FMN1: variants seen among roughly 807,000 people sequenced by gnomAD.
FMN1 encodes formin-1.
In FMN1, 110 loss-of-function variants were observed where a neutral mutation model predicts 132.4. The ratio of observed to expected loss-of-function variants is 0.83; its 90% CI spans 0.71 to 0.97. FMN1 has a LOEUF of 0.97. Among genes scored for constraint, FMN1 ranks in the 50% least tolerant of loss-of-function variants. FMN1 has a pLI of 0.00. For synonymous variants in FMN1, 722 were observed against 651.7 expected (o/e 1.11, Z -1.64); for missense variants, 1,792 against 1,705.3 (o/e 1.05, Z -0.90).
intron 4 of FMN1, chr15:33,151,296 C>T: frequency 6.5e-7 from 1 of 1,536,300 alleles, no homozygotes; most frequent in Non-Finnish European, 8.7e-7. Flanking sequence ...CCAGCTTCTT[C>T]TTTTATAAGG....
chr15:32,869,047 G>C (rs942061381), intron 16 of FMN1, among the ~76,000 whole-genome samples: 5 of 152,126 alleles, frequency 3.3e-5, no homozygotes, highest in African/African-American at 1.2e-4. Context: ...AACTGCAAAG[G>C]TCAAGGAGGA....
chr15:33,097,009 G>C (rs2039110040), intron 4 of FMN1, among the ~76,000 whole-genome samples: 1 of 152,048 alleles, frequency 6.6e-6, no homozygotes, highest in African/African-American at 2.4e-5. Flanking sequence ...AGAAAGCATA[G>C]GTAGCCGGGC....
intron 18 of FMN1, 60 bp from the exon 19 acceptor site, chr15:32,799,013 A>C: frequency 1.1e-4 from 152 of 1,410,968 alleles, no homozygotes; most frequent in Middle Eastern, 3.7e-4. Context: ...CAACACTAAA[A>C]TCCATTAGAG....
At chr15:32,965,337 T>A (rs1596358447) in intron 8 of FMN1, among the ~76,000 whole-genome samples, 1 of 151,528 alleles carries the variant, frequency 6.6e-6, no homozygotes, top group South Asian at 2.1e-4. Flanking sequence ...GAGGCAGAGG[T>A]TGCGATGAAC....
chr15:32,889,329 G>C (rs752207466), intron 15 of FMN1, among the ~76,000 whole-genome samples: 1 of 152,122 alleles, frequency 6.6e-6, no homozygotes. Context: ...GTTGTTTAAC[G>C]TAAGCTTTGT....
intron 4 of FMN1, among the ~76,000 whole-genome samples, chr15:33,121,709 A>G (rs1289889784): frequency 3.3e-5 from 5 of 152,028 alleles, no homozygotes; most frequent in African/African-American, 1.2e-4. Flanking sequence ...TTGTATGTTT[A>G]GTAGAGACAA....
chr15:32,866,364 A>G (rs1396334480), intron 16 of FMN1, among the ~76,000 whole-genome samples: 1 of 152,222 alleles, frequency 6.6e-6, no homozygotes, highest in Non-Finnish European at 1.5e-5. Context: ...CTTGATACAT[A>G]AAATCTTGTG....
intron 10 of FMN1, among the ~76,000 whole-genome samples, chr15:32,920,539 T>C (rs1467366259): frequency 6.6e-6 from 1 of 152,210 alleles, no homozygotes; most frequent in African/African-American, 2.4e-5. Context: ...GGGAGTATGT[T>C]ATGTCTAACC....
chr15:33,059,698 CT>C (rs1307754091), intron 6 of FMN1, among the ~76,000 whole-genome samples: 1 of 152,090 alleles, frequency 6.6e-6, no homozygotes, highest in African/African-American at 2.4e-5. Context: ...TTATGTGTAT[CT>C]TTCAGCAATT....
intron 16 of FMN1, among the ~76,000 whole-genome samples, chr15:32,878,856 A>G (rs1323597374): frequency 6.6e-6 from 1 of 152,234 alleles, no homozygotes; most frequent in Non-Finnish European, 1.5e-5. Context: ...AACACATTCT[A>G]TTAACCACGT....
chr15:33,136,201 T>A (rs1165191049), intron 4 of FMN1, among the ~76,000 whole-genome samples: 1 of 152,232 alleles, frequency 6.6e-6, no homozygotes, highest in East Asian at 1.9e-4. Flanking sequence ...ATGTTGTCCC[T>A]CTGCTGTTTA....
intron 7 of FMN1, among the ~76,000 whole-genome samples, chr15:32,984,330 T>C (rs181569036): frequency 1.0e-3 from 152 of 152,288 alleles, no homozygotes; most frequent in African/African-American, 3.5e-3. Context: ...ACACCACCTA[T>C]CAAACAGATA....
At chr15:32,974,630 A>G (rs1332839932) in intron 7 of FMN1, among the ~76,000 whole-genome samples, 1 of 152,204 alleles carries the variant, frequency 6.6e-6, no homozygotes, top group Non-Finnish European at 1.5e-5. Context: ...TCATTTAATC[A>G]ATCTGAGATG....
intron 2 of FMN1, among the ~76,000 whole-genome samples, chr15:33,183,174 C>G (rs766192989): frequency 6.6e-6 from 1 of 152,204 alleles, no homozygotes; most frequent in Non-Finnish European, 1.5e-5. Context: ...GACTTACAAT[C>G]AAACCCTGTT....
chr15:33,065,354 G>T (rs2037676009), intron 5 of FMN1, among the ~76,000 whole-genome samples: 1 of 152,042 alleles, frequency 6.6e-6, no homozygotes, highest in Non-Finnish European at 1.5e-5. Context: ...ATAATTATTT[G>T]AAAAAGCACA....
chr15:32,894,451 T>C (rs1348332022), intron 15 of FMN1, among the ~76,000 whole-genome samples: 1 of 150,458 alleles, frequency 6.6e-6, no homozygotes. Flanking sequence ...ACCACTGCAC[T>C]GCAGCCTGGG....
chr15:32,854,074 T>C (rs1452851158), intron 17 of FMN1, among the ~76,000 whole-genome samples: 1 of 152,256 alleles, frequency 6.6e-6, no homozygotes, highest in African/African-American at 2.4e-5. Context: ...TGTCAGGTTA[T>C]TAACATATTT....
In FMN1 at chr15:32,988,032, G is replaced by A. The variant is rs1359759000; in HGVS notation, c.2224-18555C>T. On this transcript the variant is annotated intron_variant, in intron 7 of 20. Coordinates refer to ENST00000616417, the MANE Select transcript of FMN1 (RefSeq NM_001277313.2). ...ATGTTAAAAGGTATTCCTGACAGCT[G>A]GCAGCCTGTCTCTCCAGTTTTTTTT... Among the ~76,000 whole-genome samples, 3 of 148,986 alleles carry A rather than the reference G, an allele frequency of 2.0e-5. No homozygotes were observed. In the East Asian group the frequency reaches 5.9e-4, roughly 29 times the overall value.
At chr15:32,970,878 C>A (rs1445531729) in intron 7 of FMN1, 4 of 152,078 alleles carry the variant, frequency 2.6e-5, no homozygotes, top group Admixed American at 2.6e-4. Context: ...CCCTAAAGGG[C>A]TATAGTCAGG....
Sources: allele counts gnomAD v4.1 joint callset (sites outside exome capture counted in the v4.1 genomes callset), GRCh38; gene constraint gnomAD v4.1.1; transcripts MANE v1.5; gene names NCBI Gene and HGNC (gene_info 2026-07-23, HGNC 2026-07-21).